Variants in SLC8A1 observed in about 807,000 individuals in gnomAD.
SLC8A1 encodes solute carrier family 8 member A1, also known as sodium/calcium exchanger 1.
Under a neutral mutation model 68.3 loss-of-function variants are expected in SLC8A1, and 18 were observed. The ratio of observed to expected loss-of-function variants is 0.26; its 90% confidence interval spans 0.18 to 0.39. The LOEUF (loss-of-function observed/expected upper bound fraction) is 0.39. Among genes scored for constraint, SLC8A1 ranks in the 10% least tolerant of loss-of-function variants. The probability of loss-of-function intolerance (pLI) is 1.00; values close to 1 mark genes in which losing one functional copy is unlikely to be tolerated. For synonymous variants in SLC8A1, 475 were observed against 415.5 expected, an observed-to-expected ratio of 1.14 and a Z score of -1.74; for missense variants, 985 against 1,156.7, an observed-to-expected ratio of 0.85 and a Z score of 2.15.
intron 1 of SLC8A1, among the ~76,000 whole-genome samples, chr2:40,441,919 G>C (rs1325637663): frequency 6.6e-6 from 1 of 151,678 alleles, no homozygotes; most frequent in Non-Finnish European, 1.5e-5. Flanking sequence ...TGACAAATGG[G>C]ATGTAATTAA....
Position 40,178,414 on chromosome 2 carries a change from G to A in SLC8A1, c.1809-559C>T, listed in dbSNP as rs971561099. On this transcript the variant is annotated intron_variant, in intron 2 of 7. Coordinates refer to ENST00000406785, the Ensembl canonical transcript of SLC8A1. ...TTCTTCTCACTCATCTCCACCAGGCGGGGCTCTCCAATCTCAAGGAAGAAG... is the reference window on the plus strand; with the variant it reads ...TTCTTCTCACTCATCTCCACCAGGCAGGGCTCTCCAATCTCAAGGAAGAAG... The A allele has an allele frequency of 8.1e-6, 13 of 1,613,724 alleles. No homozygotes were observed. In the South Asian group the frequency reaches 8.8e-5, roughly 11 times the overall value.
chr2:40,148,338 C>T (rs2042834910), intron 6 of SLC8A1, among the ~76,000 whole-genome samples: 1 of 152,194 alleles, frequency 6.6e-6, no homozygotes, highest in African/African-American at 2.4e-5. Context: ...ACATCTGTCT[C>T]TCTGGGCAGC....
At position 40,251,797 on chromosome 2, in the gene SLC8A1, C is replaced by T. The variant is rs1448661710; in HGVS notation, c.1809-73942G>A. The T allele has an allele frequency of 3.3e-5, 5 of 152,144 alleles. No homozygotes were observed. In the South Asian group the frequency reaches 1.0e-3, roughly 31 times the overall value. 9.4% of individuals were successfully genotyped at this position (152,144 alleles called of 1,614,324 possible). A position where few individuals can be genotyped will look rare whatever the true frequency, so the allele number is the denominator to read the frequency against. ...ACGGTAAGCCTCATATGACTTTCGT[C>T]TCTCTATTCTTTTAGAAGTTGGTCT... On this transcript the variant is annotated intron_variant, in intron 2 of 7. Coordinates refer to ENST00000406785, the Ensembl canonical transcript of SLC8A1.
At chr2:40,220,795 T>C (rs957542061) in intron 2 of SLC8A1, among the ~76,000 whole-genome samples, 6 of 152,052 alleles carry the variant, frequency 3.9e-5, no homozygotes, top group Non-Finnish European at 8.8e-5. Flanking sequence ...TGATGCAAGA[T>C]TGTAACAGAT....
At chr2:40,161,787 A>G (rs2045730535) in intron 5 of SLC8A1, among the ~76,000 whole-genome samples, 1 of 152,194 alleles carries the variant, frequency 6.6e-6, no homozygotes, top group Non-Finnish European at 1.5e-5. Flanking sequence ...TGACTAGTCT[A>G]CGAAACATCC....
chr2:40,282,753 G>T (rs760863455), intron 2 of SLC8A1, among the ~76,000 whole-genome samples: 9 of 152,056 alleles, frequency 5.9e-5, no homozygotes, highest in Non-Finnish European at 1.0e-4. Context: ...GTCCAGTCCT[G>T]CCCAGTAACA....
At chr2:40,160,648 C>T (rs1316491462) in intron 6 of SLC8A1, 117 bp downstream of exon 9, 2 of 802,482 alleles carry the variant, frequency 2.5e-6, no homozygotes, top group African/African-American at 3.5e-5. Flanking sequence ...CTTATTTCTC[C>T]CTTAATTTTG....
intron 2 of SLC8A1, among the ~76,000 whole-genome samples, chr2:40,374,518 G>A (rs1366314692): frequency 6.6e-6 from 1 of 151,968 alleles, no homozygotes; most frequent in East Asian, 1.9e-4. Flanking sequence ...TTGCATAGGG[G>A]TGACTTGATT....
At chr2:40,345,836 C>T (rs547622953) in intron 2 of SLC8A1, among the ~76,000 whole-genome samples, 62 of 151,894 alleles carry the variant, frequency 4.1e-4, no homozygotes, top group Admixed American at 9.2e-4. Flanking sequence ...ACACACTGGG[C>T]CCTGTCGGGC....
At chr2:40,142,303 T>TTAA (rs2041715386) in intron 6 of SLC8A1, among the ~76,000 whole-genome samples, 1 of 152,174 alleles carries the variant, frequency 6.6e-6, no homozygotes, top group South Asian at 2.1e-4. Flanking sequence ...GAAAGTCACA[T>TTAA]TAATACATTC....
intron 1 of SLC8A1, among the ~76,000 whole-genome samples, chr2:40,488,415 T>C (rs992606078): frequency 2.0e-5 from 3 of 151,862 alleles, no homozygotes; most frequent in Non-Finnish European, 2.9e-5. Flanking sequence ...AGGCAGACCC[T>C]CTTGAAACAT....
intron 2 of SLC8A1, among the ~76,000 whole-genome samples, chr2:40,382,343 G>A (rs1682110986): frequency 6.6e-6 from 1 of 152,060 alleles, no homozygotes; most frequent in South Asian, 2.1e-4. Flanking sequence ...ACACCTAGTA[G>A]GCGGTCTTCA....
chr2:40,444,390 A>C lies in SLC8A1; in HGVS notation c.-25+7514T>G, dbSNP rs1009312385. Among the ~76,000 whole-genome samples the C allele has an allele frequency of 6.6e-5, 10 of 152,272 alleles. No homozygotes were observed. The East Asian group carries it at 1.4e-3, about 21-fold the overall frequency. ...TGTCTCCCTAGCCCCCACCTTTCCC[A>C]GTAAGAAAACTTGGGGCCTGATAAC... is the stretch of plus-strand genomic sequence containing the variant. On this transcript the variant is annotated intron_variant, in intron 1 of 7. Coordinates refer to ENST00000406785, the Ensembl canonical transcript of SLC8A1.
chr2:40,459,726 T>C (rs1410871828), intron 1 of SLC8A1, among the ~76,000 whole-genome samples: 2 of 152,294 alleles, frequency 1.3e-5, no homozygotes, highest in East Asian at 3.9e-4. Flanking sequence ...GTCAACAGCA[T>C]TGGTGGGCAG....
intron 7 of SLC8A1, chr2:40,118,165 G>A (rs904470051): frequency 2.6e-5 from 4 of 152,186 alleles, no homozygotes; most frequent in African/African-American, 9.7e-5. Flanking sequence ...TTCATGATAT[G>A]AGAAACTGTG....
chr2:40,258,392 C>T (rs780982385), intron 2 of SLC8A1, among the ~76,000 whole-genome samples: 2 of 152,170 alleles, frequency 1.3e-5, no homozygotes, highest in African/African-American at 2.4e-5. Context: ...AACTGACATT[C>T]GTATTTCCTT....
chr2:40,480,523 T>G (rs1704562849), intron 1 of SLC8A1, among the ~76,000 whole-genome samples: 1 of 152,198 alleles, frequency 6.6e-6, no homozygotes, highest in South Asian at 2.1e-4. Flanking sequence ...CCTTTAGAAC[T>G]GTGAGGAATA....
At chr2:40,265,859 A>G (rs755654706) in intron 2 of SLC8A1, among the ~76,000 whole-genome samples, 1 of 149,806 alleles carries the variant, frequency 6.7e-6, no homozygotes, top group Admixed American at 6.7e-5. Flanking sequence ...AGGCATAAAG[A>G]AAAAAAAAAT....
At chr2:40,302,514 C>G (rs2071700446) in intron 2 of SLC8A1, among the ~76,000 whole-genome samples, 1 of 145,466 alleles carries the variant, frequency 6.9e-6, no homozygotes, top group Admixed American at 6.9e-5. Context: ...TGTGTGTATA[C>G]ATATATAACA....
Sources: gnomAD v4.1 joint callset for allele counts (sites outside exome capture counted in the v4.1 genomes callset) on GRCh38, gnomAD v4.1.1 for gene constraint, MANE v1.5 for transcripts, NCBI Gene and HGNC (gene_info 2026-07-23, HGNC 2026-07-21) for gene names.